The following KCNMA1 variants were observed in gnomAD, a reference collection of about 807,000 sequenced individuals.
KCNMA1 encodes potassium calcium-activated channel subfamily M alpha 1, also known as Calcium-activated potassium channel subunit alpha-1.
A neutral mutation model predicts 140.0 loss-of-function variants in KCNMA1; 29 were observed. The ratio of observed to expected loss-of-function variants is 0.21; its 90% CI spans 0.15 to 0.28. The LOEUF is 0.28. Among genes scored for constraint, KCNMA1 ranks in the 10% least tolerant of loss-of-function variants. KCNMA1 has a pLI of 1.00. For synonymous variants in KCNMA1, 612 were observed against 611.9 expected (o/e 1.00, Z 0.00); for missense variants, 880 against 1,602.2 (o/e 0.55, Z 7.70).
At position 77,637,802 on chromosome 10, in the gene KCNMA1, G is replaced by T. The variant is rs1229277109; in HGVS notation, c.-160C>A. On this transcript the variant is annotated 5_prime_UTR_variant, in exon 1 of 28. Coordinates refer to ENST00000286628, the MANE Select transcript of KCNMA1 (RefSeq NM_001161352.2). The stretch of plus-strand genomic sequence containing the variant: ...GCGGGGAGGCGCCTGGGCTCGGGGC[G>T]CTGTGCGCGACCTGGCGGGGTGCGC... 3 of 1,225,018 alleles carry T rather than the reference G, an allele frequency of 2.4e-6. No individual in the cohort carries two copies. In the South Asian group the frequency reaches 9.8e-5, roughly 40 times the overall value. 75.9% of individuals were successfully genotyped at this position (1,225,018 alleles called of 1,614,324 possible).
At chr10:77,127,668 C>T (rs527796769) in intron 5 of KCNMA1, among the ~76,000 whole-genome samples, 5 of 151,696 alleles carry the variant, frequency 3.3e-5, no homozygotes, top group Admixed American at 6.6e-5. Context: ...AGGGAGAGAA[C>T]GAGGGTAAGA....
At chr10:77,351,631 A>G (rs1321455524) in intron 2 of KCNMA1, among the ~76,000 whole-genome samples, 1 of 152,212 alleles carries the variant, frequency 6.6e-6, no homozygotes, top group Non-Finnish European at 1.5e-5. Context: ...CCAGGGGGAA[A>G]AGAATTCAGA....
At chr10:77,473,462 GTA>G (rs1329916191) in intron 1 of KCNMA1, among the ~76,000 whole-genome samples, 1 of 152,230 alleles carries the variant, frequency 6.6e-6, no homozygotes, top group East Asian at 1.9e-4. Flanking sequence ...GTGGTCAGAT[GTA>G]TTCTGTCCAT....
chr10:77,374,694 C>A (rs2154418769), intron 2 of KCNMA1, among the ~76,000 whole-genome samples: 1 of 152,292 alleles, frequency 6.6e-6, no homozygotes, highest in South Asian at 2.1e-4. Flanking sequence ...ATGCCTTGGT[C>A]TTTTCTATCC....
At chr10:76,935,077 C>T (rs1216774893) in intron 23 of KCNMA1, among the ~76,000 whole-genome samples, 1 of 152,182 alleles carries the variant, frequency 6.6e-6, no homozygotes, top group South Asian at 2.1e-4. Flanking sequence ...AAGCACAGTG[C>T]TTCACATTGC....
chr10:77,354,850 T>C (rs190550604), intron 2 of KCNMA1, among the ~76,000 whole-genome samples: 5 of 152,340 alleles, frequency 3.3e-5, no homozygotes, highest in African/African-American at 1.2e-4. Context: ...TGGAGCTATA[T>C]AGAACCTTTA....
intron 1 of KCNMA1, among the ~76,000 whole-genome samples, chr10:77,520,766 C>G (rs1025471236): frequency 2.0e-5 from 3 of 152,078 alleles, no homozygotes; most frequent in African/African-American, 7.2e-5. Flanking sequence ...CCATCCTCAA[C>G]AGAGAGGAAA....
chr10:77,372,590 A>C (rs2094816593), intron 2 of KCNMA1, among the ~76,000 whole-genome samples: 2 of 152,156 alleles, frequency 1.3e-5, no homozygotes, highest in Non-Finnish European at 2.9e-5. Flanking sequence ...TGTTGGTGCA[A>C]TTGTTTGCCC....
chr10:77,263,816 G>A (rs1382763808), intron 2 of KCNMA1, among the ~76,000 whole-genome samples: 3 of 152,042 alleles, frequency 2.0e-5, no homozygotes, highest in African/African-American at 7.2e-5. Flanking sequence ...CTGCAGAATC[G>A]AATCTGACCA....
Position 77,305,824 on chromosome 10 carries a change from G to T in KCNMA1, c.541-54568C>A, listed in dbSNP as rs574969572. Among the ~76,000 whole-genome samples, 8 of 152,196 alleles carry T rather than the reference G, an allele frequency of 5.3e-5. No individual in the cohort carries two copies. In the South Asian group the frequency reaches 1.7e-3, roughly 32 times the overall value. ...GTCCCCAAGAGTCCTGAGGCTCTGC[G>T]CAAACAAAATTAATAGCCTGCAAAC... On this transcript the variant is annotated intron_variant, in intron 2 of 27. Coordinates refer to ENST00000286628, the MANE Select transcript of KCNMA1 (RefSeq NM_001161352.2).
chr10:77,482,970 C>G (rs1309860253), intron 1 of KCNMA1, among the ~76,000 whole-genome samples: 2 of 145,630 alleles, frequency 1.4e-5, no homozygotes. Flanking sequence ...TCCTTCCTCT[C>G]TTCTCTCTCT....
chr10:76,881,191 C>G (rs557367015), downstream of KCNMA1, among the ~76,000 whole-genome samples: 1 of 152,102 alleles, frequency 6.6e-6, no homozygotes, highest in East Asian at 1.9e-4. Flanking sequence ...CAAGGAGATG[C>G]GGGCTAAGGA....
rs2092085366 is a variant in KCNMA1, at chr10:77,624,158, C to T, written c.378+13107G>A. Among the ~76,000 whole-genome samples, 3 of 152,308 alleles carry T rather than the reference C, an allele frequency of 2.0e-5. No homozygotes were observed. In the South Asian group the frequency reaches 6.2e-4, roughly 32 times the overall value. On this transcript the variant is annotated intron_variant, in intron 1 of 27. Transcript: ENST00000286628. ...TGAGATGAACGTTCTATCTCCAAGG[C>T]TGCGTTTTGGGGCAAGTTAAGGAAA...
intron 19 of KCNMA1, among the ~76,000 whole-genome samples, chr10:76,988,708 C>T (rs1353160451): frequency 1.3e-5 from 2 of 152,076 alleles, no homozygotes; most frequent in African/African-American, 4.8e-5. Context: ...GATCTCCAGA[C>T]CTATTTTAGG....
At chr10:77,069,197 T>C (rs1029231437) in intron 14 of KCNMA1, among the ~76,000 whole-genome samples, 2 of 152,180 alleles carry the variant, frequency 1.3e-5, no homozygotes, top group African/African-American at 4.8e-5. Flanking sequence ...CACTAGAACC[T>C]GACAGGCTAG....
At chr10:77,176,338 T>C (rs2098751387) in intron 5 of KCNMA1, among the ~76,000 whole-genome samples, 1 of 152,162 alleles carries the variant, frequency 6.6e-6, no homozygotes, top group Non-Finnish European at 1.5e-5. Flanking sequence ...TATGCAGACC[T>C]AATATGTTCC....
chr10:77,286,749 CGG>C (rs1565732866), intron 2 of KCNMA1, among the ~76,000 whole-genome samples: 5 of 58,010 alleles, frequency 8.6e-5, no homozygotes, highest in African/African-American at 1.3e-4. Context: ...TGACTAGGGA[CGG>C]TGTGTGTGTG....
chr10:76,982,583 A>G (rs2079882613), intron 19 of KCNMA1, among the ~76,000 whole-genome samples: 1 of 152,194 alleles, frequency 6.6e-6, no homozygotes, highest in Non-Finnish European at 1.5e-5. Flanking sequence ...CAATTTGGCT[A>G]GAGCAGGAAA....
At chr10:76,940,907 G>A (rs1177588731) in intron 23 of KCNMA1, among the ~76,000 whole-genome samples, 3 of 150,342 alleles carry the variant, frequency 2.0e-5, no homozygotes, top group Non-Finnish European at 4.4e-5. Context: ...GTTGCAGTGA[G>A]CTGATATCAC....
Sources: gnomAD v4.1 joint callset for allele counts (sites outside exome capture counted in the v4.1 genomes callset) on GRCh38, gnomAD v4.1.1 for gene constraint, MANE v1.5 for transcripts, NCBI Gene and HGNC (gene_info 2026-07-23, HGNC 2026-07-21) for gene names.